WTAP: variants seen among roughly 807,000 people sequenced by gnomAD.
WTAP encodes the protein WT1 associated protein, also known as pre-mRNA-splicing regulator WTAP.
A neutral mutation model predicts 50.0 loss-of-function variants in WTAP; 8 were observed. The ratio of observed to expected loss-of-function variants is 0.16; its 90% CI spans 0.09 to 0.29. WTAP has a LOEUF of 0.29. Among genes scored for constraint, WTAP ranks in the 10% least tolerant of loss-of-function variants. WTAP has a pLI of 1.00. For synonymous variants in WTAP, 194 were observed against 169.0 expected (o/e 1.15, Z -1.15); for missense variants, 295 against 470.7 (o/e 0.63, Z 3.45).
intron 6 of WTAP, among the ~76,000 whole-genome samples, chr6:159,752,633 T>A (rs974358183): frequency 6.6e-6 from 1 of 152,118 alleles, no homozygotes; most frequent in African/African-American, 2.4e-5. Context: ...AAAAGGATGA[T>A]CTTTTCCAAT....
In WTAP at chr6:159,728,928, G is replaced by A. The variant is rs149996723; in HGVS notation, c.-9+1225G>A. On this transcript the variant is annotated intron_variant, in intron 1 of 7. Transcript: ENST00000621533. ...CTACCAGAATTGCTAACTCCTAAAG[G>A]ATAAAAGTAATAATAATAGTGTGTC... Among the ~76,000 whole-genome samples, 15 of 152,298 alleles carry A rather than the reference G, an allele frequency of 9.8e-5. No homozygotes were observed. The East Asian group carries it at 2.5e-3, about 25-fold the overall frequency.
chr6:159,744,656 C>T (rs1002142201), intron 5 of WTAP, among the ~76,000 whole-genome samples: 7 of 152,184 alleles, frequency 4.6e-5, no homozygotes, highest in Admixed American at 2.0e-4. Context: ...TACTAAATGA[C>T]TTCTTCACAT....
intron 1 of WTAP, among the ~76,000 whole-genome samples, chr6:159,735,146 GTTGT>G (rs970435353): frequency 2.8e-4 from 42 of 152,214 alleles, no homozygotes; most frequent in African/African-American, 8.4e-4. Flanking sequence ...GTGAGTTTTT[GTTGT>G]TTGTTTGTTT....
At chr6:159,728,292 A>C (rs988917247) in intron 1 of WTAP, among the ~76,000 whole-genome samples, 1 of 152,128 alleles carries the variant, frequency 6.6e-6, no homozygotes, top group Non-Finnish European at 1.5e-5. Flanking sequence ...CGTTTTTCAT[A>C]AGTCTGTGTA....
chr6:159,752,611 T>C (rs1362890023), intron 6 of WTAP, among the ~76,000 whole-genome samples: 1 of 152,220 alleles, frequency 6.6e-6, no homozygotes, highest in East Asian at 1.9e-4. Context: ...CCACTGGTCT[T>C]ATTTTTGTGT....
chr6:159,745,751 G>A (rs1215154102), intron 5 of WTAP, among the ~76,000 whole-genome samples: 1 of 152,180 alleles, frequency 6.6e-6, no homozygotes, highest in Non-Finnish European at 1.5e-5. Context: ...GAGTATGAAA[G>A]ATAGATTTGA....
At chr6:159,741,926 TG>T in intron 3 of WTAP, 161 bp from the exon 4 acceptor site, 1 of 547,856 alleles carries the variant, frequency 1.8e-6, no homozygotes, top group South Asian at 2.1e-5. Flanking sequence ...CACTCCAGCC[TG>T]GGGGACAGAG....
At chr6:159,735,632 C>G (rs1778863873) in intron 1 of WTAP, among the ~76,000 whole-genome samples, 1 of 152,018 alleles carries the variant, frequency 6.6e-6, no homozygotes, top group Admixed American at 6.5e-5. Context: ...ACCTGTAGTC[C>G]CAGCTATTTA....
chr6:159,731,584 A>G (rs1334857773), intron 1 of WTAP, among the ~76,000 whole-genome samples: 1 of 152,250 alleles, frequency 6.6e-6, no homozygotes, highest in Non-Finnish European at 1.5e-5. Flanking sequence ...CAGTATGATT[A>G]TTATCCTCAA....
At chr6:159,746,606 C>T (rs1042878453) in intron 5 of WTAP, among the ~76,000 whole-genome samples, 5 of 152,076 alleles carry the variant, frequency 3.3e-5, no homozygotes, top group Admixed American at 1.3e-4. Context: ...TAGTTTTGAG[C>T]GTAAGGCATA....
intron 1 of WTAP, among the ~76,000 whole-genome samples, chr6:159,732,401 C>T (rs1778627832): frequency 6.6e-6 from 1 of 152,206 alleles, no homozygotes; most frequent in Admixed American, 6.5e-5. Context: ...TCACAGATCT[C>T]TACCACAGTA....
At chr6:159,743,901 T>G (rs1241319607) in intron 5 of WTAP, 109 bp downstream of exon 5, 1 of 1,213,178 alleles carries the variant, frequency 8.2e-7, no homozygotes, top group Non-Finnish European at 1.1e-6. Flanking sequence ...AGCTTATCTT[T>G]TATAGGTACG....
intron 5 of WTAP, among the ~76,000 whole-genome samples, chr6:159,744,095 G>T (rs866768284): frequency 5.9e-5 from 9 of 152,072 alleles, no homozygotes; most frequent in South Asian, 2.1e-4. Context: ...ATCAATAAAA[G>T]AACATTTGCT....
At chr6:159,744,024 TTATAAG>T (rs2114929668) in intron 5 of WTAP, among the ~76,000 whole-genome samples, 1 of 152,294 alleles carries the variant, frequency 6.6e-6, no homozygotes, top group Admixed American at 6.5e-5. Context: ...TTTTCATGCC[TTATAAG>T]TATTAGTTCA....
intron 5 of WTAP, 144 bp downstream of exon 5, chr6:159,743,936 A>G (rs1779410493): frequency 1.0e-6 from 1 of 971,218 alleles, no homozygotes; most frequent in East Asian, 3.6e-5. Flanking sequence ...TAAGAATACT[A>G]GATGAAAAAT....
intron 1 of WTAP, among the ~76,000 whole-genome samples, chr6:159,735,232 C>T (rs1055741737): frequency 6.6e-6 from 1 of 152,136 alleles, no homozygotes; most frequent in Non-Finnish European, 1.5e-5. Context: ...CCTCCGCCTC[C>T]CAGGTTCAGG....
In WTAP at chr6:159,748,886, T is replaced by C. The variant is rs573024719; in HGVS notation, c.452+517T>C. The C allele has an allele frequency of 5.0e-6, 6 of 1,194,140 alleles. No homozygotes were observed. In the South Asian group the frequency reaches 2.6e-4, roughly 52 times the overall value. The allele number at this position is 1,194,140 out of a possible 1,614,324, so 74.0% of individuals were successfully genotyped here. On this transcript the variant is annotated intron_variant, in intron 6 of 7. Transcript: ENST00000621533. The surrounding 1 kb of genome is among the most constrained non-coding windows in gnomAD (Gnocchi z 5.6). Reference sequence around the variant, plus strand: ...TGTGTATCAGTTTTGCCAATAAGACTGTGGACTTCATGATTGTTGTTGAAC... The same window carrying C: ...TGTGTATCAGTTTTGCCAATAAGACCGTGGACTTCATGATTGTTGTTGAAC...
intron 3 of WTAP, among the ~76,000 whole-genome samples, chr6:159,739,389 T>C (rs1338067491): frequency 1.3e-5 from 2 of 152,204 alleles, no homozygotes; most frequent in African/African-American, 2.4e-5. Context: ...GGTTACTTTT[T>C]CTTATTAGTG....
intron 6 of WTAP, among the ~76,000 whole-genome samples, chr6:159,752,677 T>A (rs1278166774): frequency 3.9e-5 from 6 of 152,212 alleles, no homozygotes; most frequent in Admixed American, 3.9e-4. Flanking sequence ...AAACCTTAAC[T>A]GCTGAATGTG....
Sources: allele counts gnomAD v4.1 joint callset (sites outside exome capture counted in the v4.1 genomes callset), GRCh38; gene constraint gnomAD v4.1.1; non-coding constraint Gnocchi (gnomAD v3.1); transcripts MANE v1.5; gene names NCBI Gene and HGNC (gene_info 2026-07-23, HGNC 2026-07-21).